The following NLE1 variants were observed in gnomAD, a reference collection of about 807,000 sequenced individuals.
The protein encoded by NLE1 is notchless homolog 1.
NLE1 carries 37 observed loss-of-function variants against 62.8 expected under a neutral mutation model. That is an observed-to-expected ratio of 0.59 (90% confidence interval 0.45 to 0.78). The LOEUF (loss-of-function observed/expected upper bound fraction) is 0.78. Ranked by LOEUF, NLE1 falls within the 30% of genes least tolerant of loss-of-function variation. NLE1 has a pLI of 0.00. For missense variants in NLE1, 555 were observed against 637.9 expected (o/e 0.87, Z 1.40); for synonymous variants, 243 against 253.0 (o/e 0.96, Z 0.37).
At chr17:35,137,731 C>CCAAAA in intron 5 of NLE1, 83 bp downstream of exon 5, 1 of 1,359,322 alleles carries the variant, frequency 7.4e-7, no homozygotes, top group Non-Finnish European at 1.0e-6. Flanking sequence ...CAACCCTCCC[C>CCAAAA]AAAGACTCCT....
intron 9 of NLE1, 96 bp from the exon 10 acceptor site, chr17:35,135,547 T>C (rs2091903384): frequency 2.7e-6 from 3 of 1,094,012 alleles, no homozygotes; most frequent in Non-Finnish European, 4.0e-6. Context: ...GATTACTCAA[T>C]GCCAGGGACA....
In NLE1 at chr17:35,137,100, G is replaced by A. The variant is rs757052556; in HGVS notation, c.729C>T (p.Thr243=). ...GACAGGTGACCGACTGGGTGTGCCC[G>A]GTGAGGATGCGCTCACAGCGGCCTG... is the stretch of plus-strand genomic sequence containing the variant. ...TTAGRCERIL[T]GHTQSVTCLR... Residue 243 remains threonine, a synonymous_variant, in exon 7 of 13, where the codon ACC becomes ACT. Transcript: ENST00000442241. The A allele has an allele frequency of 2.2e-5, 35 of 1,613,716 alleles. No homozygotes were observed. In the African/African-American group the frequency reaches 3.2e-4, roughly 15 times the overall value.
chr17:35,132,370 C>G lies in NLE1; in HGVS notation c.*67G>C. On this transcript the variant is annotated 3_prime_UTR_variant, in exon 13 of 13. Transcript: ENST00000442241. ...GTGCACTGCCATCTCAGCCTTTGTT[C>G]TCTGGCAGGGAAGGCAGCTGGCAGA... is the stretch of plus-strand genomic sequence containing the variant. 7.2e-7 allele frequency: 1 copy of G among 1,394,558 alleles called. No individual in the cohort carries two copies. Among genetic ancestry groups the G allele is most frequent in the Non-Finnish European group, 9.5e-7 (1 of 1,057,686 alleles). 86.4% of individuals were successfully genotyped at this position (1,394,558 alleles called of 1,614,324 possible).
Position 35,129,232 on chromosome 17 carries a change from G to A in NLE1, c.*3205C>T. ...CTAAAGTGGGTGGGGCTGCCCAGGA[G>A]AGTAGTACATGCTTCGGGGCAGGGG... is the stretch of plus-strand genomic sequence containing the variant. On this transcript the variant is annotated 3_prime_UTR_variant, in exon 13 of 13. Coordinates refer to ENST00000442241, the MANE Select transcript of NLE1 (RefSeq NM_018096.5). 1.4e-6 allele frequency: 1 copy of A among 705,998 alleles called. No individual in the cohort carries two copies. The highest frequency in any genetic ancestry group is 2.4e-6 in the Non-Finnish European group (1 of 416,734). The allele number at this position is 705,998 out of a possible 1,614,324, so 43.7% of individuals were successfully genotyped here.
chr17:35,129,606 G>A lies in NLE1; in HGVS notation c.*2831C>T. On this transcript the variant is annotated 3_prime_UTR_variant, in exon 13 of 13. Transcript: ENST00000442241. ...AAGCCTAACACGTGTTACTGCCTCA[G>A]TGTCCGTGCAGCCAACACAGCTGGG... is the stretch of plus-strand genomic sequence containing the variant. The A allele has an allele frequency of 6.2e-7, 1 of 1,614,172 alleles. No individual in the cohort carries two copies. The highest frequency in any genetic ancestry group is 8.5e-7 in the Non-Finnish European group (1 of 1,180,038).
intron 5 of NLE1, 55 bp downstream of exon 5, chr17:35,137,758 TG>T: frequency 1.2e-6 from 1 of 834,986 alleles, no homozygotes; most frequent in African/African-American, 1.8e-5. Flanking sequence ...GATTCTGAAC[TG>T]TCTCCTAGGA....
intron 7 of NLE1, 106 bp from the exon 8 acceptor site, chr17:35,136,603 A>C (rs2091910476): frequency 3.6e-6 from 5 of 1,374,072 alleles, no homozygotes; most frequent in Middle Eastern, 5.3e-4. Context: ...TCACTCATGC[A>C]TTGTGATCTT....
At chr17:35,134,092 G>A (rs1597889032) in intron 10 of NLE1, among the ~76,000 whole-genome samples, 1 of 151,992 alleles carries the variant, frequency 6.6e-6, no homozygotes, top group South Asian at 2.1e-4. Context: ...CCTCTAATCC[G>A]ATTAACCCCA....
chr17:35,134,929 G>C, intron 10 of NLE1: 1 of 432,494 alleles, frequency 2.3e-6, no homozygotes, highest in Middle Eastern at 3.4e-4. Context: ...GCGGAGGCCT[G>C]TAATCCCAGC....
chr17:35,135,558 G>T, intron 9 of NLE1, 107 bp from the exon 10 acceptor site: 1 of 972,730 alleles, frequency 1.0e-6, no homozygotes, highest in Non-Finnish European at 1.6e-6. Flanking sequence ...GCCAGGGACA[G>T]AGAGAGGCCA....
chr17:35,139,556 G>C (rs1347010241), intron 3 of NLE1, among the ~76,000 whole-genome samples: 2 of 152,212 alleles, frequency 1.3e-5, no homozygotes, highest in Non-Finnish European at 2.9e-5. Context: ...ACTAATCCCA[G>C]TTTCACAGAT....
Position 35,135,314 on chromosome 17 carries a change from G to T in NLE1, c.1149C>A (p.Asp383Glu), listed in dbSNP as rs1404337763. ...ALINQVLFSP[D>E]SRIVASASFD... ...AGGAGGCACTAGCCACGATGCGGGA[G>T]TCAGGAGAGAAGAGCACCTGGTTGA... Residue 383 changes from aspartate (D) to glutamate (E), a missense_variant, in exon 10 of 13, where the codon GAC becomes GAA. Coordinates refer to ENST00000442241, the MANE Select transcript of NLE1 (RefSeq NM_018096.5). 6.2e-7 allele frequency: 1 copy of T among 1,614,110 alleles called. No homozygotes were observed. The highest frequency in any genetic ancestry group is 8.5e-7 in the Non-Finnish European group (1 of 1,180,054).
At chr17:35,140,978 A>T (rs984686048) in intron 2 of NLE1, among the ~76,000 whole-genome samples, 1 of 152,196 alleles carries the variant, frequency 6.6e-6, no homozygotes, top group Non-Finnish European at 1.5e-5. Flanking sequence ...GGCTCAGAAC[A>T]ACTAAGTAAT....
chr17:35,137,275 G>A, intron 6 of NLE1, 82 bp from the exon 7 acceptor site: 1 of 1,300,990 alleles, frequency 7.7e-7, no homozygotes, highest in Non-Finnish European at 1.1e-6. Flanking sequence ...CCAACTTAAA[G>A]GCCATGGACA....
At chr17:35,140,717 A>G (rs1457503866) in intron 2 of NLE1, among the ~76,000 whole-genome samples, 1 of 151,894 alleles carries the variant, frequency 6.6e-6, no homozygotes, top group African/African-American at 2.4e-5. Flanking sequence ...CAGCCTCCCG[A>G]GGAGCTGGGA....
Position 35,129,485 on chromosome 17 carries a change from G to C in NLE1, c.*2952C>G, listed in dbSNP as rs1158022966. Reference sequence around the variant, plus strand: ...TTTCTACCAGCTCCTGTTACAGGAGGTGGCCAAGACACAGGAGAATGAGTT... The same window carrying C: ...TTTCTACCAGCTCCTGTTACAGGAGCTGGCCAAGACACAGGAGAATGAGTT... On this transcript the variant is annotated 3_prime_UTR_variant, in exon 13 of 13. Coordinates refer to ENST00000442241, the MANE Select transcript of NLE1 (RefSeq NM_018096.5). 5.0e-6 allele frequency: 8 copies of C among 1,614,206 alleles called. No homozygotes were observed. In the South Asian group the frequency reaches 5.5e-5, roughly 11 times the overall value.
In NLE1 at chr17:35,129,263, C is replaced by A; in HGVS notation, c.*3174G>T. The A allele has an allele frequency of 1.1e-6, 1 of 891,702 alleles. No individual in the cohort carries two copies. The allele number at this position is 891,702 out of a possible 1,614,324, so 55.2% of individuals were successfully genotyped here. On this transcript the variant is annotated 3_prime_UTR_variant, in exon 13 of 13. Coordinates refer to ENST00000442241, the MANE Select transcript of NLE1 (RefSeq NM_018096.5). ...TACATGCTTCGGGGCAGGGGTTCCA[C>A]ACTCAGTGCTGCAGTACCTTGCACC...
intron 6 of NLE1, 23 bp from the exon 7 acceptor site, chr17:35,137,216 C>T (rs78469973): frequency 1.3e-6 from 2 of 1,583,592 alleles, no homozygotes; most frequent in South Asian, 1.1e-5. Context: ...GAGATGTGAC[C>T]TCATCTGTGA....
In NLE1 at chr17:35,129,453, C is replaced by G. The variant is rs763875714; in HGVS notation, c.*2984G>C. 1 of 1,614,032 alleles carries G rather than the reference C, an allele frequency of 6.2e-7. No individual in the cohort carries two copies. The highest frequency in any genetic ancestry group is 8.5e-7 in the Non-Finnish European group (1 of 1,179,932). ...TGGACCTACGCCTTGGGCAAGCAGC[C>G]GGTCAGTTTCTACCAGCTCCTGTTA... On this transcript the variant is annotated 3_prime_UTR_variant, in exon 13 of 13. Transcript: ENST00000442241.
Sources: allele counts gnomAD v4.1 joint callset (sites outside exome capture counted in the v4.1 genomes callset), GRCh38; gene constraint gnomAD v4.1.1; transcripts MANE v1.5; gene names NCBI Gene and HGNC (gene_info 2026-07-23, HGNC 2026-07-21).